The following WDR59 variants were observed in gnomAD, a reference collection of about 807,000 sequenced individuals.
WDR59 encodes GATOR2 complex protein WDR59.
In WDR59, 100 loss-of-function variants were observed where a neutral mutation model predicts 131.2. The ratio of observed to expected loss-of-function variants is 0.76; its 90% confidence interval spans 0.65 to 0.90. The LOEUF is 0.90. WDR59 is among the 40% of genes least tolerant of loss of function. The pLI is 0.00. For missense variants in WDR59, 1,203 were observed against 1,262.2 expected, an observed-to-expected ratio of 0.95 and a Z score of 0.71; for synonymous variants, 601 against 466.2, an observed-to-expected ratio of 1.29 and a Z score of -3.72.
intron 1 of WDR59, among the ~76,000 whole-genome samples, chr16:74,981,633 TATATATATATATATATATATATATATA>T (rs1462742348): frequency 0.1 from 1,768 of 17,556 alleles, 154 homozygotes; most frequent in Non-Finnish European, 0.16. Context: ...TATATATATA[TATATATATATATATATATATATATATA>T]TTTTTTTTTT....
At chr16:74,909,167 A>T (rs1373478079) in intron 16 of WDR59, among the ~76,000 whole-genome samples, 190 bp from the exon 17 acceptor site, 1 of 152,094 alleles carries the variant, frequency 6.6e-6, no homozygotes, top group Non-Finnish European at 1.5e-5. Context: ...GATCCAGGAG[A>T]GAGGATGTAT....
At chr16:74,896,694 TATTA>T (rs1019355684) in intron 18 of WDR59, among the ~76,000 whole-genome samples, 2 of 151,992 alleles carry the variant, frequency 1.3e-5, no homozygotes, top group African/African-American at 4.8e-5. Context: ...AAAAGCATAT[TATTA>T]ATTAAGATTC....
At chr16:74,963,952 G>C (rs1336732832) in intron 2 of WDR59, among the ~76,000 whole-genome samples, 2 of 151,586 alleles carry the variant, frequency 1.3e-5, no homozygotes, top group African/African-American at 4.8e-5. Flanking sequence ...AATATGAAAT[G>C]AGGCCAAGGT....
chr16:74,893,877 G>A, intron 18 of WDR59, 65 bp from the exon 19 acceptor site: 3 of 1,577,802 alleles, frequency 1.9e-6, no homozygotes, highest in Non-Finnish European at 2.6e-6. Context: ...CAATTGCAGA[G>A]CTCATCATAT....
intron 8 of WDR59, 110 bp downstream of exon 8, chr16:74,938,040 T>A: frequency 1.4e-6 from 1 of 724,862 alleles, no homozygotes; most frequent in Non-Finnish European, 2.1e-6. Flanking sequence ...ACATGCACCG[T>A]GAAATACATA....
At chr16:74,952,658 C>T (rs1026246232) in intron 3 of WDR59, among the ~76,000 whole-genome samples, 1 of 151,352 alleles carries the variant, frequency 6.6e-6, no homozygotes, top group Non-Finnish European at 1.5e-5. Flanking sequence ...AAATACACAA[C>T]AAAACAGCAA....
At chr16:74,921,897 C>A in intron 10 of WDR59, 50 bp downstream of exon 10, 1 of 1,588,188 alleles carries the variant, frequency 6.3e-7, no homozygotes, top group Non-Finnish European at 8.6e-7. Flanking sequence ...ACTGGCACCG[C>A]TGTCACCAGA....
chr16:74,960,404 G>A (rs1284761675), intron 2 of WDR59, among the ~76,000 whole-genome samples: 4 of 151,834 alleles, frequency 2.6e-5, no homozygotes, highest in South Asian at 2.1e-4. Flanking sequence ...AGTCATACAA[G>A]ATATCCAACA....
intron 3 of WDR59, among the ~76,000 whole-genome samples, chr16:74,953,919 G>A (rs137975157): frequency 0.014 from 2,069 of 150,144 alleles, 35 homozygotes; most frequent in African/African-American, 0.033. Flanking sequence ...GGAGAATGGC[G>A]TGAACCCGGG....
intron 1 of WDR59, among the ~76,000 whole-genome samples, chr16:74,980,617 G>A: frequency 6.6e-6 from 1 of 151,988 alleles, no homozygotes; most frequent in East Asian, 1.9e-4. Flanking sequence ...GCCTCCTAAA[G>A]TGCTAGGATT....
intron 25 of WDR59, among the ~76,000 whole-genome samples, chr16:74,880,319 C>T (rs1188018156): frequency 2.6e-5 from 4 of 151,944 alleles, no homozygotes; most frequent in African/African-American, 4.8e-5. Flanking sequence ...TGGTGGCAGG[C>T]GCCTGTAGTC....
At chr16:74,916,778 G>A (rs1250431110) in intron 11 of WDR59, among the ~76,000 whole-genome samples, 1 of 150,056 alleles carries the variant, frequency 6.7e-6, no homozygotes, top group African/African-American at 2.4e-5. Context: ...AGAATCACTT[G>A]AACCCAGGAG....
intron 25 of WDR59, among the ~76,000 whole-genome samples, chr16:74,877,950 C>T (rs1964294410): frequency 6.6e-6 from 1 of 152,214 alleles, no homozygotes; most frequent in South Asian, 2.1e-4. Context: ...TCTGACAACT[C>T]TTTCTCAAAC....
intron 12 of WDR59, 22 bp from the exon 13 acceptor site, chr16:74,916,016 A>G: frequency 6.2e-6 from 10 of 1,614,072 alleles, no homozygotes; most frequent in Non-Finnish European, 8.5e-6. Context: ...GAGAAGTTCA[A>G]TGTTGGAAAG....
At chr16:74,932,043 A>G (rs190156968) in intron 8 of WDR59, among the ~76,000 whole-genome samples, 167 of 151,054 alleles carry the variant, frequency 1.1e-3, no homozygotes, top group Admixed American at 2.9e-3. Flanking sequence ...ATAACCTTTG[A>G]ATATATAATG....
intron 10 of WDR59, among the ~76,000 whole-genome samples, chr16:74,921,066 A>G (rs576535112): frequency 2.0e-5 from 3 of 152,112 alleles, no homozygotes; most frequent in Non-Finnish European, 4.4e-5. Context: ...TACATGATAT[A>G]TTTCACAGTA....
chr16:74,978,320 C>CAAAAAAAAAA (rs1182301591), intron 1 of WDR59, among the ~76,000 whole-genome samples: 1 of 53,484 alleles, frequency 1.9e-5, no homozygotes. Context: ...GACTCTGTCT[C>CAAAAAAAAAA]AAAAAAAAAA....
chr16:74,965,696 C>T (rs1343666155), intron 2 of WDR59, 77 bp downstream of exon 2: 1 of 1,545,052 alleles, frequency 6.5e-7, no homozygotes, highest in African/African-American at 1.4e-5. Context: ...ATAAGAATAG[C>T]TTCCAAGTTC....
chr16:74,918,510 A>AT (rs1966500624), intron 10 of WDR59, among the ~76,000 whole-genome samples: 1 of 152,182 alleles, frequency 6.6e-6, no homozygotes. Context: ...GCATCTTACC[A>AT]TTCAAAAGAA....
Sources: gnomAD v4.1 joint callset for allele counts (sites outside exome capture counted in the v4.1 genomes callset) on GRCh38, gnomAD v4.1.1 for gene constraint, MANE v1.5 for transcripts, NCBI Gene and HGNC (gene_info 2026-07-23, HGNC 2026-07-21) for gene names.